Variants in GNA14 observed in about 807,000 individuals in gnomAD.
The protein encoded by GNA14 is guanine nucleotide-binding protein subunit alpha-14.
In GNA14, 50 loss-of-function variants were observed where a neutral mutation model predicts 42.0. The observed-to-expected ratio is 1.19, with a 90% confidence interval of 0.95 to 1.51. The LOEUF (loss-of-function observed/expected upper bound fraction) is 1.51. GNA14 is among the 40% of genes most tolerant of loss of function. The probability of loss-of-function intolerance (pLI) is 0.00; values close to 1 mark genes in which losing one functional copy is unlikely to be tolerated. For missense variants in GNA14, 473 were observed against 446.2 expected (o/e 1.06, Z -0.54); for synonymous variants, 173 against 163.1 (o/e 1.06, Z -0.46).
chr9:77,495,987 C>T (rs1836862463), intron 2 of GNA14, among the ~76,000 whole-genome samples: 1 of 152,102 alleles, frequency 6.6e-6, no homozygotes, highest in Non-Finnish European at 1.5e-5. Flanking sequence ...CAGGGAGGCC[C>T]TAGACTTGCT....
In GNA14 at chr9:77,529,127, T is replaced by C. The variant is rs1837487506; in HGVS notation, c.251A>G (p.Gln84Arg). The stretch of plus-strand genomic sequence containing the variant: ...CGTGTCCATCGCTCTGATCATGGCT[T>C]GCATGGCGGTGAATATGTTTTGGTA... ...LVYQNIFTAM[Q>R]AMIRAMDTLR... Residue 84 changes from glutamine to arginine, a missense_variant, in exon 2 of 7, where the codon CAA becomes CGA. Coordinates refer to ENST00000341700, the MANE Select transcript of GNA14 (RefSeq NM_004297.4). 3 of 1,614,096 alleles carry C rather than the reference T, an allele frequency of 1.9e-6. No individual in the cohort carries two copies. The highest frequency in any genetic ancestry group is 2.5e-6 in the Non-Finnish European group (3 of 1,180,026).
intron 1 of GNA14, among the ~76,000 whole-genome samples, chr9:77,574,480 A>C (rs1048955895): frequency 1.3e-5 from 2 of 152,220 alleles, no homozygotes; most frequent in Admixed American, 6.5e-5. Context: ...GGAATAAAAA[A>C]TATTTCTGCA....
intron 1 of GNA14, among the ~76,000 whole-genome samples, chr9:77,542,038 C>T (rs1837667265): frequency 6.6e-6 from 1 of 152,008 alleles, no homozygotes; most frequent in Non-Finnish European, 1.5e-5. Context: ...GTGAATTTCT[C>T]TTTGATTGGG....
At chr9:77,425,776 G>T in intron 5 of GNA14, 61 bp from the exon 6 acceptor site, 1 of 1,196,426 alleles carries the variant, frequency 8.4e-7, no homozygotes, top group Non-Finnish European at 1.2e-6. Context: ...AAACAACATG[G>T]CGCATTGCCA....
At chr9:77,549,008 A>C (rs1837758412) in intron 1 of GNA14, among the ~76,000 whole-genome samples, 1 of 151,606 alleles carries the variant, frequency 6.6e-6, no homozygotes, top group South Asian at 2.1e-4. Context: ...GGCACAATCT[A>C]GGCCCACTGC....
chr9:77,635,890 C>T (rs904663958), intron 1 of GNA14, among the ~76,000 whole-genome samples: 5 of 152,146 alleles, frequency 3.3e-5, no homozygotes, highest in African/African-American at 4.8e-5. Context: ...AAAGTTTGTA[C>T]TTGTGTTTCT....
chr9:77,469,556 A>G (rs905719976), intron 2 of GNA14, among the ~76,000 whole-genome samples: 17 of 151,056 alleles, frequency 1.1e-4, no homozygotes, highest in Non-Finnish European at 2.4e-4. Flanking sequence ...AAGTCTGGTT[A>G]AAGATTATGA....
At chr9:77,493,406 T>C (rs778071324) in intron 2 of GNA14, among the ~76,000 whole-genome samples, 17 of 152,218 alleles carry the variant, frequency 1.1e-4, no homozygotes, top group Admixed American at 2.6e-4. Context: ...CTATTTTGTC[T>C]GTACTGTGTA....
chr9:77,598,787 G>T (rs887560182), intron 1 of GNA14, among the ~76,000 whole-genome samples: 7 of 152,100 alleles, frequency 4.6e-5, no homozygotes, highest in African/African-American at 1.7e-4. Flanking sequence ...CCTTCCAGCT[G>T]TCTACACTCC....
At chr9:77,484,049 C>T (rs1260681128) in intron 2 of GNA14, among the ~76,000 whole-genome samples, 2 of 152,138 alleles carry the variant, frequency 1.3e-5, no homozygotes, top group African/African-American at 4.8e-5. Context: ...ATTTCTCTCC[C>T]ATGCCCCTTT....
Position 77,515,180 on chromosome 9 carries a change from T to C in GNA14, c.309+13889A>G, listed in dbSNP as rs140652480. Among the ~76,000 whole-genome samples, 618 of 152,298 alleles carry C rather than the reference T, an allele frequency of 4.1e-3. 2 individuals carry two copies. Among genetic ancestry groups the C allele is most frequent in the South Asian group, 0.016 (76 of 4,822 alleles). On this transcript the variant is annotated intron_variant, in intron 2 of 6. Coordinates refer to ENST00000341700, the MANE Select transcript of GNA14 (RefSeq NM_004297.4). ...CCCCAGGAATGAGTTCTTCAGTGGA[T>C]AGGCTTTTGGCAAACTGGCCTGCAT...
chr9:77,567,591 G>C (rs549093567), intron 1 of GNA14, among the ~76,000 whole-genome samples: 53 of 152,326 alleles, frequency 3.5e-4, no homozygotes, highest in African/African-American at 1.2e-3. Flanking sequence ...TTCCGGCTGG[G>C]TGTGGTGGCT....
At chr9:77,503,222 A>G (rs186241125) in intron 2 of GNA14, among the ~76,000 whole-genome samples, 168 of 152,280 alleles carry the variant, frequency 1.1e-3, no homozygotes, top group African/African-American at 3.8e-3. Context: ...TAATTCTCAA[A>G]TAGGACATGA....
intron 2 of GNA14, among the ~76,000 whole-genome samples, chr9:77,494,647 A>T (rs1367585936): frequency 6.6e-6 from 1 of 152,236 alleles, no homozygotes; most frequent in Non-Finnish European, 1.5e-5. Context: ...ACATCTTGGG[A>T]AATTGTTTTA....
At chr9:77,441,785 A>G (rs1234669502) in intron 2 of GNA14, among the ~76,000 whole-genome samples, 3 of 152,180 alleles carry the variant, frequency 2.0e-5, no homozygotes, top group African/African-American at 7.2e-5. Flanking sequence ...CTCTTTAACA[A>G]CTACAGAATT....
chr9:77,500,977 A>AC lies in GNA14; in HGVS notation c.309+28091dup, dbSNP rs202053365. On this transcript the variant is annotated intron_variant, in intron 2 of 6. Transcript: ENST00000341700. ...GTTGAACTCTTTTTTTTTTTTTGAG[A>AC]CAGAATCTCGCTCTGTCACCAGGCT... Among the ~76,000 whole-genome samples the AC allele has an allele frequency of 7.5e-3, 1,126 of 150,980 alleles. 13 individuals carry two copies. Among genetic ancestry groups the AC allele is most frequent in the African/African-American group, 0.025 (1,019 of 41,028 alleles).
intron 2 of GNA14, among the ~76,000 whole-genome samples, chr9:77,494,264 A>C (rs1384207869): frequency 2.6e-5 from 4 of 152,176 alleles, no homozygotes; most frequent in Non-Finnish European, 4.4e-5. Flanking sequence ...TATTTTCTCC[A>C]TCTATGCTCC....
Position 77,529,170 on chromosome 9 carries a change from CCTTTCTGT to C in GNA14, c.200_207del (p.Asp67GlyfsTer31). On this transcript the variant is annotated frameshift_variant, in exon 2 of 7. Coordinates refer to ENST00000341700, the MANE Select transcript of GNA14 (RefSeq NM_004297.4). LOFTEE classifies it high-confidence loss of function. ...TTTTGGTAAACCAGCTTCGTGAACC[CCTTTCTGT>C]CTTCGTCGCTGTAACCAGACCCATG... The C allele has an allele frequency of 6.2e-7, 1 of 1,613,908 alleles. No homozygotes were observed. Among genetic ancestry groups the C allele is most frequent in the Non-Finnish European group, 8.5e-7 (1 of 1,179,788 alleles).
At chr9:77,558,513 C>T (rs1822826026) in intron 1 of GNA14, among the ~76,000 whole-genome samples, 1 of 152,096 alleles carries the variant, frequency 6.6e-6, no homozygotes, top group African/African-American at 2.4e-5. Context: ...TGCTCAGACA[C>T]CCCATATGAC....
Sources: gnomAD v4.1 joint callset for allele counts (sites outside exome capture counted in the v4.1 genomes callset) on GRCh38, gnomAD v4.1.1 for gene constraint, MANE v1.5 for transcripts, NCBI Gene and HGNC (gene_info 2026-07-23, HGNC 2026-07-21) for gene names.